Variants in ATXN7L1 observed in about 807,000 individuals in gnomAD.
ATXN7L1 encodes ataxin-7-like protein 1.
ATXN7L1 carries 15 observed loss-of-function variants against 70.8 expected under a neutral mutation model. The ratio of observed to expected loss-of-function variants is 0.21; its 90% CI spans 0.14 to 0.33. The LOEUF (loss-of-function observed/expected upper bound fraction) is 0.33. Ranked by LOEUF, ATXN7L1 falls within the 10% of genes least tolerant of loss-of-function variation. The pLI, the probability that ATXN7L1 is intolerant of heterozygous loss-of-function variation, is 1.00. For missense variants in ATXN7L1, 975 were observed against 1,097.1 expected, an observed-to-expected ratio of 0.89 and a Z score of 1.57; for synonymous variants, 440 against 445.1, an observed-to-expected ratio of 0.99 and a Z score of 0.14.
At chr7:105,701,188 A>G (rs1792411890) in intron 3 of ATXN7L1, among the ~76,000 whole-genome samples, 2 of 152,240 alleles carry the variant, frequency 1.3e-5, no homozygotes, top group South Asian at 2.1e-4. Flanking sequence ...ATCACAAGCA[A>G]TCAGGCACTA....
intron 2 of ATXN7L1, among the ~76,000 whole-genome samples, chr7:105,860,618 G>T (rs1585174825): frequency 6.6e-6 from 1 of 152,114 alleles, no homozygotes. Context: ...TGGGTATGAA[G>T]TTTCAATTTT....
At chr7:105,790,107 T>C (rs538409060) in intron 2 of ATXN7L1, among the ~76,000 whole-genome samples, 1 of 152,286 alleles carries the variant, frequency 6.6e-6, no homozygotes, top group Non-Finnish European at 1.5e-5. Flanking sequence ...TAGGCAAATC[T>C]ATAAACACAA....
intron 3 of ATXN7L1, among the ~76,000 whole-genome samples, chr7:105,677,307 G>A (rs1161786589): frequency 2.0e-5 from 3 of 152,196 alleles, no homozygotes; most frequent in Non-Finnish European, 4.4e-5. Flanking sequence ...CTGGGACTTG[G>A]GGAAATAACT....
At chr7:105,808,184 G>A (rs1430340493) in intron 2 of ATXN7L1, among the ~76,000 whole-genome samples, 2 of 152,224 alleles carry the variant, frequency 1.3e-5, no homozygotes, top group African/African-American at 4.8e-5. Context: ...GTGGGTGCCA[G>A]GTTACTTAGG....
intron 3 of ATXN7L1, among the ~76,000 whole-genome samples, chr7:105,733,995 G>C (rs1797110889): frequency 6.9e-6 from 1 of 145,370 alleles, no homozygotes; most frequent in Non-Finnish European, 1.5e-5. Flanking sequence ...CAATCCTTTT[G>C]AGCCCCAGCC....
rs111854074 is a variant in ATXN7L1, at chr7:105,660,230, C to T, written c.578+4836G>A. Among the ~76,000 whole-genome samples, 1,266 of 152,244 alleles carry T rather than the reference C, an allele frequency of 8.3e-3. 18 individuals are homozygous for T. The highest frequency in any genetic ancestry group is 0.029 in the African/African-American group (1,213 of 41,534). On this transcript the variant is annotated intron_variant, in intron 4 of 11. Transcript: ENST00000419735. ...CTGTGTGACCCCCCGAGCCATCATT[C>T]TACGTGGCTGTCAAGGTGACCAGAC...
At chr7:105,711,541 C>T (rs998593502) in intron 3 of ATXN7L1, among the ~76,000 whole-genome samples, 1 of 152,244 alleles carries the variant, frequency 6.6e-6, no homozygotes, top group African/African-American at 2.4e-5. Context: ...GGGCAACAGG[C>T]CCCATGCAAG....
At chr7:105,750,627 C>T (rs992230826) in intron 3 of ATXN7L1, among the ~76,000 whole-genome samples, 2 of 148,048 alleles carry the variant, frequency 1.4e-5, no homozygotes, top group South Asian at 4.2e-4. Context: ...CATGGTGAAA[C>T]CCCGTCTCTA....
chr7:105,626,944 A>T (rs1427374062), intron 7 of ATXN7L1, among the ~76,000 whole-genome samples: 2 of 152,336 alleles, frequency 1.3e-5, no homozygotes, highest in East Asian at 3.9e-4. Flanking sequence ...ATTTTGAGAG[A>T]TGCTTTTTAA....
At chr7:105,872,499 G>C (rs891858515) in intron 2 of ATXN7L1, among the ~76,000 whole-genome samples, 1 of 152,184 alleles carries the variant, frequency 6.6e-6, no homozygotes, top group African/African-American at 2.4e-5. Context: ...AAAAAGGAAT[G>C]AAGTACTGAT....
At chr7:105,610,389 G>T (rs1422518119) in intron 11 of ATXN7L1, 140 bp downstream of exon 11, 2 of 721,378 alleles carry the variant, frequency 2.8e-6, no homozygotes, top group Non-Finnish European at 4.7e-6. Flanking sequence ...TAACTAGAAG[G>T]CCTAGGTTTG....
intron 2 of ATXN7L1, among the ~76,000 whole-genome samples, chr7:105,790,957 T>C (rs1805138190): frequency 6.6e-6 from 1 of 152,180 alleles, no homozygotes; most frequent in Non-Finnish European, 1.5e-5. Context: ...TCAAACACGA[T>C]GGTTCCCCTG....
intron 2 of ATXN7L1, among the ~76,000 whole-genome samples, chr7:105,809,773 CT>C (rs149047532): frequency 0.22 from 32,685 of 145,930 alleles, 3,969 homozygotes; most frequent in East Asian, 0.43. Flanking sequence ...CTCCAGACTC[CT>C]TTTTTTTTTT....
chr7:105,737,778 G>A (rs535033962), intron 3 of ATXN7L1, among the ~76,000 whole-genome samples: 8 of 152,278 alleles, frequency 5.3e-5, no homozygotes, highest in African/African-American at 1.9e-4. Flanking sequence ...TAACAACAGC[G>A]TGGAGCTGCA....
chr7:105,804,746 A>T (rs1247317189), intron 2 of ATXN7L1, among the ~76,000 whole-genome samples: 1 of 152,222 alleles, frequency 6.6e-6, no homozygotes, highest in Non-Finnish European at 1.5e-5. Flanking sequence ...GAATCCTCAC[A>T]GCAGACCTGC....
At chr7:105,636,985 C>T (rs1797483554) in intron 7 of ATXN7L1, among the ~76,000 whole-genome samples, 1 of 152,206 alleles carries the variant, frequency 6.6e-6, no homozygotes, top group African/African-American at 2.4e-5. Context: ...GTTGCCTCAA[C>T]TCTAAAACAA....
rs181284248 is a variant in ATXN7L1, at chr7:105,620,678, T to C, written c.1396-357A>G. On this transcript the variant is annotated intron_variant, in intron 8 of 11. Transcript: ENST00000419735. ...GGGAGGCTGAGGTGGGCGGATCACT[T>C]GAGGTCAGGAGTTTGAGACCAGTCT... 2.5e-4 allele frequency among the ~76,000 whole-genome samples: 38 copies of C among 152,172 alleles called. No homozygotes were observed. In the East Asian group the frequency reaches 6.8e-3, roughly 27 times the overall value.
chr7:105,781,601 C>G (rs1803543061), intron 3 of ATXN7L1, among the ~76,000 whole-genome samples: 1 of 152,204 alleles, frequency 6.6e-6, no homozygotes, highest in African/African-American at 2.4e-5. Flanking sequence ...AGTGAAAACT[C>G]TGGACAAGAT....
rs28534422 is a variant in ATXN7L1 at position 105,741,521 on chromosome 7, C to T, written c.355+47083G>A. On this transcript the variant is annotated intron_variant, in intron 3 of 11. Transcript: ENST00000419735. ...GATGCCTCCGTGGTGAAAATGCAGT[C>T]GAAGAATGATTTTTCAGCCCGTGTG... Among the ~76,000 whole-genome samples, 615 of 152,098 alleles carry T rather than the reference C, an allele frequency of 4.0e-3. 3 individuals carry two copies. Among genetic ancestry groups the T allele is most frequent in the African/African-American group, 0.014 (589 of 41,480 alleles).
Sources: allele counts gnomAD v4.1 joint callset (sites outside exome capture counted in the v4.1 genomes callset), GRCh38; gene constraint gnomAD v4.1.1; transcripts MANE v1.5; gene names NCBI Gene and HGNC (gene_info 2026-07-23, HGNC 2026-07-21).